Variants in RIMBP2 observed in about 807,000 individuals in gnomAD.
The protein encoded by RIMBP2 is RIMS binding protein 2.
RIMBP2 carries 48 observed loss-of-function variants against 118.6 expected under a neutral mutation model. The observed-to-expected ratio is 0.40, with a 90% CI of 0.32 to 0.51. The LOEUF (loss-of-function observed/expected upper bound fraction) is 0.51, where lower values mean the gene tolerates loss of function less well. Among genes scored for constraint, RIMBP2 ranks in the 20% least tolerant of loss-of-function variants. The probability of loss-of-function intolerance (pLI) is 0.41; values close to 1 mark genes in which losing one functional copy is unlikely to be tolerated. For synonymous variants in RIMBP2, 762 were observed against 742.9 expected (o/e 1.03, Z -0.42); for missense variants, 1,551 against 1,768.3 (o/e 0.88, Z 2.20).
At chr12:130,398,610 A>T (rs2074245479) in intron 22 of RIMBP2, 1 of 152,756 alleles carries the variant, frequency 6.5e-6, no homozygotes, top group Non-Finnish European at 1.5e-5. Context: ...CTCGTAAGGT[A>T]GAGGCAGGGT....
intron 1 of RIMBP2, among the ~76,000 whole-genome samples, chr12:130,698,034 G>A (rs996023698): frequency 2.0e-5 from 3 of 152,156 alleles, no homozygotes; most frequent in South Asian, 2.1e-4. Context: ...GGCGTGGAGA[G>A]GGACAGCCTG....
At chr12:130,407,615 T>G in intron 20 of RIMBP2, 111 bp downstream of exon 20, 2 of 883,824 alleles carry the variant, frequency 2.3e-6, no homozygotes, top group Admixed American at 1.7e-5. Flanking sequence ...CTACGGATGG[T>G]TCGGAGAGAA....
At chr12:130,679,003 G>A (rs1322486822) in intron 1 of RIMBP2, among the ~76,000 whole-genome samples, 7 of 152,134 alleles carry the variant, frequency 4.6e-5, no homozygotes, top group African/African-American at 4.8e-5. Context: ...ACAACACTGC[G>A]AGTGCACTAA....
At chr12:130,645,196 A>G (rs1311397655) in intron 1 of RIMBP2, among the ~76,000 whole-genome samples, 3 of 151,766 alleles carry the variant, frequency 2.0e-5, no homozygotes, top group South Asian at 2.1e-4. Context: ...CAGGTTCAAG[A>G]GAGTCTCCCG....
chr12:130,643,751 G>T (rs1024925638), intron 1 of RIMBP2, among the ~76,000 whole-genome samples: 2 of 152,198 alleles, frequency 1.3e-5, no homozygotes, highest in African/African-American at 2.4e-5. Context: ...CAAGGGTAAG[G>T]TCCTGCCCCA....
At chr12:130,592,731 A>C (rs2140332677) in intron 2 of RIMBP2, among the ~76,000 whole-genome samples, 1 of 150,160 alleles carries the variant, frequency 6.7e-6, no homozygotes, top group Admixed American at 6.6e-5. Flanking sequence ...CTGAGGGCAC[A>C]GAGAACCCGG....
intron 2 of RIMBP2, among the ~76,000 whole-genome samples, chr12:130,587,850 A>G (rs1299095643): frequency 1.4e-4 from 21 of 151,390 alleles, no homozygotes; most frequent in African/African-American, 2.2e-4. Flanking sequence ...AAAGAAAAAA[A>G]AAAGAAGAGA....
chr12:130,430,495 C>G (rs1430616624), intron 14 of RIMBP2: 1 of 152,198 alleles, frequency 6.6e-6, no homozygotes, highest in Non-Finnish European at 1.5e-5. Context: ...ATCACAAATT[C>G]CTCTTAAAAG....
In RIMBP2 at chr12:130,414,290, G is replaced by T; in HGVS notation, c.3255C>A (p.Asp1085Glu). 1.3e-6 allele frequency: 2 copies of T among 1,596,770 alleles called. No homozygotes were observed. Among genetic ancestry groups the T allele is most frequent in the Non-Finnish European group, 1.7e-6 (2 of 1,169,908 alleles). ...TVPSIDDYGR[D>E]RLSPDFYEES... ...CTTCATAGAAGTCTGGAGAAAGGCG[G>T]TCTCGCCCGTAATCGTCTGCGAGCA... Residue 1085 changes from aspartate (D) to glutamate (E), a missense_variant, in exon 18 of 23, where the codon GAC (aspartate) becomes GAA (glutamate). By Grantham distance (45) the Asp-to-Glu change is conservative. Around this residue, in one of 5 missense-constraint regions of RIMBP2, gnomAD observed 1,038 missense variants for 1,125.1 expected, o/e 0.92. Coordinates refer to ENST00000690449, the MANE Select transcript of RIMBP2 (RefSeq NM_001393629.1).
intron 2 of RIMBP2, among the ~76,000 whole-genome samples, chr12:130,580,646 ATAC>A: frequency 6.6e-6 from 1 of 152,368 alleles, no homozygotes; most frequent in South Asian, 2.1e-4. Flanking sequence ...GATATTTTAA[ATAC>A]TGCATTAAGA....
intron 4 of RIMBP2, among the ~76,000 whole-genome samples, chr12:130,488,162 G>T (rs995576489): frequency 4.6e-5 from 7 of 152,100 alleles, no homozygotes; most frequent in Non-Finnish European, 7.4e-5. Context: ...CACTACCAAA[G>T]ATTCCACATT....
intron 19 of RIMBP2, among the ~76,000 whole-genome samples, chr12:130,408,189 G>A (rs767702097): frequency 4.3e-4 from 65 of 152,350 alleles, no homozygotes; most frequent in South Asian, 1.2e-3. Context: ...AGGCCCTGCA[G>A]AGTGCACGGT....
intron 1 of RIMBP2, among the ~76,000 whole-genome samples, chr12:130,639,313 C>T (rs556620199): frequency 5.3e-5 from 8 of 150,332 alleles, no homozygotes; most frequent in African/African-American, 9.8e-5. Flanking sequence ...CGTTTGAACC[C>T]GGGAGGTAGA....
chr12:130,515,738 C>CCCAGG (rs1465577242), intron 3 of RIMBP2, among the ~76,000 whole-genome samples: 1 of 152,022 alleles, frequency 6.6e-6, no homozygotes, highest in Non-Finnish European at 1.5e-5. Context: ...TGCTCTGTTG[C>CCCAGG]CCAGGCTGGA....
intron 1 of RIMBP2, among the ~76,000 whole-genome samples, chr12:130,666,373 T>C (rs995902215): frequency 2.0e-5 from 3 of 152,186 alleles, no homozygotes; most frequent in African/African-American, 7.2e-5. Context: ...ATGCCACTGA[T>C]GAGCCACTCT....
chr12:130,509,458 G>A (rs538216922), intron 3 of RIMBP2, among the ~76,000 whole-genome samples: 10 of 152,300 alleles, frequency 6.6e-5, no homozygotes, highest in Middle Eastern at 3.4e-3. Context: ...GGTCTACCCC[G>A]GCTTCATTCT....
chr12:130,461,325 C>G (rs2079972917), intron 6 of RIMBP2, among the ~76,000 whole-genome samples: 1 of 152,196 alleles, frequency 6.6e-6, no homozygotes, highest in Non-Finnish European at 1.5e-5. Flanking sequence ...TGCACGCAGA[C>G]TGGCAGGGGT....
intron 2 of RIMBP2, among the ~76,000 whole-genome samples, chr12:130,544,596 C>CTTTTTT (rs35041449): frequency 7.0e-5 from 7 of 100,518 alleles, no homozygotes; most frequent in Admixed American, 1.2e-4. Flanking sequence ...AACTGGAGGC[C>CTTTTTT]TTTTTTTTTT....
intron 7 of RIMBP2, among the ~76,000 whole-genome samples, chr12:130,452,115 G>A (rs1021193435): frequency 2.0e-5 from 3 of 152,192 alleles, no homozygotes; most frequent in Admixed American, 6.5e-5. Flanking sequence ...GGATCCGGGT[G>A]TGAAACATGA....
Sources: allele counts gnomAD v4.1 joint callset (sites outside exome capture counted in the v4.1 genomes callset), GRCh38; gene constraint gnomAD v4.1.1; regional missense constraint gnomAD v4.1.1; transcripts MANE v1.5; gene names NCBI Gene and HGNC (gene_info 2026-07-23, HGNC 2026-07-21).